Variants in LRRN2 observed in about 807,000 individuals in gnomAD.
LRRN2 encodes leucine-rich repeat neuronal protein 2.
A neutral mutation model predicts 35.7 loss-of-function variants in LRRN2; 10 were observed. The ratio of observed to expected loss-of-function variants is 0.28; its 90% CI spans 0.17 to 0.47. The LOEUF (loss-of-function observed/expected upper bound fraction) is 0.47, where lower values mean the gene tolerates loss of function less well. Among genes scored for constraint, LRRN2 ranks in the 20% least tolerant of loss-of-function variants. The pLI is 0.99. For synonymous variants in LRRN2, 391 were observed against 409.6 expected (o/e 0.95, Z 0.55); for missense variants, 731 against 940.3 (o/e 0.78, Z 2.91).
At chr1:204,685,225 G>A in intron 1 of LRRN2, 95 bp downstream of exon 1, 1 of 152,570 alleles carries the variant, frequency 6.6e-6, no homozygotes, top group South Asian at 2.1e-4. Flanking sequence ...GGCCGCTCCC[G>A]CCGCGTACGC....
chr1:204,619,475 T>G lies in LRRN2; in HGVS notation c.518A>C (p.Asn173Thr). The change falls in exon 2 of 2, where the codon AAC becomes ACC. Residue 173 changes from asparagine (N) to threonine (T), a missense_variant. Asn to Thr is a moderately conservative substitution (Grantham distance 65). Transcript: ENST00000367177. ...GLSNLLRLHL[N>T]SNLLRAIDSR... is the part of the protein sequence containing the mutation. ...GTCAATGGCCCTCAGGAGGTTGGAG[T>G]TGAGGTGCAGCCGCAGCAAGTTGCT... The G allele has an allele frequency of 6.2e-7, 1 of 1,613,842 alleles. No individual in the cohort carries two copies.
Position 204,618,466 on chromosome 1 carries a change from C to G in LRRN2, c.1527G>C (p.Thr509=), listed in dbSNP as rs768777219. Residue 509 remains threonine, a synonymous_variant, in exon 2 of 2, where the codon ACG becomes ACC. Transcript: ENST00000367177. ...GAGCACGGCCCACAACCACACTAAC[C>G]GTCTTAGTGTCAGCCCCCACCAGGT... ...AQNLVGADTK[T]VSVVVGRALL... is the part of the protein sequence containing the mutation. The G allele has an allele frequency of 1.2e-6, 2 of 1,614,090 alleles. No homozygotes were observed. Among genetic ancestry groups the G allele is most frequent in the Non-Finnish European group, 1.7e-6 (2 of 1,180,020 alleles).
intron 1 of LRRN2, among the ~76,000 whole-genome samples, chr1:204,660,095 G>A (rs901764927): frequency 6.6e-6 from 1 of 152,200 alleles, no homozygotes; most frequent in African/African-American, 2.4e-5. Context: ...CTTTCCAGAG[G>A]ACCCTCAAGG....
Position 204,685,601 on chromosome 1 carries a change from G to A in LRRN2, c.-508C>T, listed in dbSNP as rs989358434. The A allele has an allele frequency of 1.3e-5, 2 of 151,958 alleles. No homozygotes were observed. Among genetic ancestry groups the A allele is most frequent in the Admixed American group, 1.3e-4 (2 of 15,266 alleles). The allele number at this position is 151,958 out of a possible 1,614,324, so 9.4% of individuals were successfully genotyped here. A position where few individuals can be genotyped will look rare whatever the true frequency, so the allele number is the denominator to read the frequency against. ...GCCGGAGGCTGGCGGGCGAGAGCCA[G>A]GCGCTCCTTGAGAGCGCCGCGCGTT... On this transcript the variant is annotated 5_prime_UTR_variant, in exon 1 of 2. Transcript: ENST00000367177.
In LRRN2 at chr1:204,638,020, C is replaced by T. The variant is rs141260363; in HGVS notation, c.-226-17802G>A. 7.2e-4 allele frequency among the ~76,000 whole-genome samples: 109 copies of T among 152,272 alleles called. 1 individual carries two copies. The highest frequency in any genetic ancestry group is 2.4e-3 in the African/African-American group (101 of 41,542). On this transcript the variant is annotated intron_variant, in intron 1 of 1. Coordinates refer to ENST00000367177, the MANE Select transcript of LRRN2 (RefSeq NM_201630.2). ...CTAGGGTTTTCTTTTCCTTTCCTTG[C>T]TTTTCTTCTGGTCTCCCTCCCGCCT...
chr1:204,620,890 G>C (rs984968381), intron 1 of LRRN2: 1 of 167,096 alleles, frequency 6.0e-6, no homozygotes, highest in Admixed American at 6.5e-5. Context: ...TGGGTAAATG[G>C]AAGATAAAAT....
chr1:204,684,209 C>A (rs1669016911), intron 1 of LRRN2, among the ~76,000 whole-genome samples: 1 of 152,128 alleles, frequency 6.6e-6, no homozygotes, highest in Admixed American at 6.5e-5. Context: ...GGAGGCTGTT[C>A]TCCTCACCAC....
Position 204,619,799 on chromosome 1 carries a change from G to T in LRRN2, c.194C>A (p.Pro65Gln), listed in dbSNP as rs371687072. Residue 65 changes from proline to glutamine, a missense_variant, in exon 2 of 2, where the codon CCG (proline) becomes CAG (glutamine). Pro to Gln is a moderately conservative substitution (Grantham distance 76, BLOSUM62 -1). Around this residue, in one of 3 missense-constraint regions of LRRN2, gnomAD observed 246 missense variants for 289.5 expected, o/e 0.85. Coordinates refer to ENST00000367177, the MANE Select transcript of LRRN2 (RefSeq NM_201630.2). The stretch of plus-strand genomic sequence containing the variant: ...GGTCTGTGTGCCTGCGGGGAGTGCC[G>T]GGGGGACTGCCGTCAGGAATAGGTC... ...CNDLFLTAVP[P>Q]ALPAGTQTLL... 2.5e-6 allele frequency: 4 copies of T among 1,613,676 alleles called. No individual in the cohort carries two copies. Among genetic ancestry groups the T allele is most frequent in the Non-Finnish European group, 3.4e-6 (4 of 1,179,780 alleles).
intron 1 of LRRN2, among the ~76,000 whole-genome samples, chr1:204,665,590 G>T (rs1003220788): frequency 6.6e-6 from 1 of 152,204 alleles, no homozygotes; most frequent in African/African-American, 2.4e-5. Context: ...ACGCCACAGG[G>T]CACTCTCTGT....
chr1:204,622,139 C>T (rs1666936985), intron 1 of LRRN2: 1 of 167,188 alleles, frequency 6.0e-6, no homozygotes, highest in Admixed American at 6.5e-5. Flanking sequence ...CTGATCTGAC[C>T]CTGCCCTGGG....
chr1:204,643,621 C>T (rs1382959274), intron 1 of LRRN2, among the ~76,000 whole-genome samples: 4 of 152,122 alleles, frequency 2.6e-5, no homozygotes, highest in East Asian at 1.9e-4. Flanking sequence ...GAGCTGTGGC[C>T]GCCTCTAATC....
At chr1:204,637,645 C>CATGT (rs1420915265) in intron 1 of LRRN2, among the ~76,000 whole-genome samples, 1 of 129,950 alleles carries the variant, frequency 7.7e-6, no homozygotes, top group African/African-American at 3.0e-5. Flanking sequence ...CAGCACGTGA[C>CATGT]GTGTGTGTGT....
At chr1:204,652,375 T>TA (rs1668255846) in intron 1 of LRRN2, among the ~76,000 whole-genome samples, 1 of 150,322 alleles carries the variant, frequency 6.7e-6, no homozygotes, top group South Asian at 2.1e-4. Flanking sequence ...CAGCGCTGTT[T>TA]CGAGTCAGGT....
In LRRN2 at chr1:204,619,581, C is replaced by A; in HGVS notation, c.412G>T (p.Ala138Ser). 1 of 1,614,162 alleles carries A rather than the reference C, an allele frequency of 6.2e-7. No individual in the cohort carries two copies. Among genetic ancestry groups the A allele is most frequent in the Non-Finnish European group, 8.5e-7 (1 of 1,180,034 alleles). Residue 138 changes from alanine to serine, a missense_variant, in exon 2 of 2, where the codon GCA becomes TCA. Transcript: ENST00000367177. ...AGTTCCTGTAGGCTGGCCAGCCCTG[C>A]AAAGCTGTGGTCCTCCAGCCGGGTC... is the stretch of plus-strand genomic sequence containing the variant. Reference protein sequence around the residue: ...QLTRLEDHSFAGLASLQELYL... With the variant: ...QLTRLEDHSFSGLASLQELYL...
chr1:204,643,428 G>A (rs1668029049), intron 1 of LRRN2, among the ~76,000 whole-genome samples: 1 of 152,184 alleles, frequency 6.6e-6, no homozygotes, highest in Non-Finnish European at 1.5e-5. Context: ...AAAACGTTAA[G>A]TGCTGTTCTA....
intron 1 of LRRN2, among the ~76,000 whole-genome samples, chr1:204,645,314 A>G (rs941502440): frequency 1.3e-5 from 2 of 152,230 alleles, no homozygotes; most frequent in Non-Finnish European, 2.9e-5. Flanking sequence ...TGCAGAAATC[A>G]CAAACAGCAC....
Position 204,618,922 on chromosome 1 carries a change from G to A in LRRN2, c.1071C>T (p.Ser357=), listed in dbSNP as rs1666618460. The A allele has an allele frequency of 6.2e-7, 1 of 1,614,172 alleles. No individual in the cohort carries two copies. The highest frequency in any genetic ancestry group is 8.5e-7 in the Non-Finnish European group (1 of 1,180,014). The change falls in exon 2 of 2, where the codon TCC becomes TCT. Residue 357 remains serine (S), a synonymous_variant. Transcript: ENST00000367177. ...GACCTACCTCCTGCAGGTTGGGCAG[G>A]GACTCCACCGTCTGCTGGTGCAAGG... The part of the protein sequence containing the change: ...LSALHQQTVE[S]LPNLQEVGLH...
chr1:204,633,889 T>C (rs987831561), intron 1 of LRRN2, among the ~76,000 whole-genome samples: 1 of 152,200 alleles, frequency 6.6e-6, no homozygotes, highest in African/African-American at 2.4e-5. Flanking sequence ...CAGCCCTTCT[T>C]CAAGAGAACG....
At chr1:204,624,380 A>T (rs1399075893) in intron 1 of LRRN2, among the ~76,000 whole-genome samples, 1 of 152,168 alleles carries the variant, frequency 6.6e-6, no homozygotes, top group East Asian at 1.9e-4. Context: ...ACTGCTGGCC[A>T]GCTGTGGGCT....
Sources: allele counts gnomAD v4.1 joint callset (sites outside exome capture counted in the v4.1 genomes callset), GRCh38; gene constraint gnomAD v4.1.1; regional missense constraint gnomAD v4.1.1; transcripts MANE v1.5; gene names NCBI Gene and HGNC (gene_info 2026-07-23, HGNC 2026-07-21).